PHACTR2: variants seen among roughly 807,000 people sequenced by gnomAD.
The protein encoded by PHACTR2 is chromosome 6 open reading frame 56.
A neutral mutation model predicts 76.0 loss-of-function variants in PHACTR2; 30 were observed. That is an observed-to-expected ratio of 0.39 (90% confidence interval 0.30 to 0.54). PHACTR2 has a LOEUF of 0.54. Among genes scored for constraint, PHACTR2 ranks in the 20% least tolerant of loss-of-function variants. The pLI is 0.61. For missense variants in PHACTR2, 696 were observed against 781.1 expected, an observed-to-expected ratio of 0.89 and a Z score of 1.30; for synonymous variants, 292 against 292.5, an observed-to-expected ratio of 1.00 and a Z score of 0.02.
intron 1 of PHACTR2, among the ~76,000 whole-genome samples, chr6:143,566,742 A>G (rs1775368715): frequency 6.6e-6 from 1 of 151,086 alleles, no homozygotes; most frequent in African/African-American, 2.4e-5. Flanking sequence ...GCCTTCCCTA[A>G]CCTCAGAATA....
At chr6:143,609,334 C>A (rs1013342613) in intron 1 of PHACTR2, among the ~76,000 whole-genome samples, 3 of 152,050 alleles carry the variant, frequency 2.0e-5, no homozygotes, top group Admixed American at 1.3e-4. Context: ...AAATAGCTTA[C>A]CAGGAACAAA....
At chr6:143,804,928 A>G (rs902822848) in intron 11 of PHACTR2, among the ~76,000 whole-genome samples, 2 of 152,214 alleles carry the variant, frequency 1.3e-5, no homozygotes, top group Admixed American at 6.5e-5. Flanking sequence ...TGTACAAAGC[A>G]CTTTCAAATA....
In PHACTR2 at chr6:143,608,388, C is replaced by A; in HGVS notation, c.13+66C>A. 15 of 1,538,302 alleles carry A rather than the reference C, an allele frequency of 9.8e-6. No homozygotes were observed. The highest frequency in any genetic ancestry group is 1.3e-5 in the Non-Finnish European group (14 of 1,112,166). On this transcript the variant is annotated intron_variant, in intron 1 of 11. Coordinates refer to the PHACTR2 transcript ENST00000305766. This position sits in a 1 kb window ranked among gnomAD's most constrained non-coding sequence, Gnocchi z 4.6. ...CCTTTGCAGCCCGCATCCTTTACTG[C>A]GGAAGGTTTGCCTATTTGTTGCTCT...
At chr6:143,565,031 T>C (rs2128430514) in intron 1 of PHACTR2, among the ~76,000 whole-genome samples, 1 of 152,324 alleles carries the variant, frequency 6.6e-6, no homozygotes, top group South Asian at 2.1e-4. Flanking sequence ...CTAGCAAGAA[T>C]GGCAGTTCAA....
At position 143,678,443 on chromosome 6, in the gene PHACTR2, C is replaced by G. The variant is rs983201500; in HGVS notation, c.46+234C>G. 6.9e-6 allele frequency among the ~76,000 whole-genome samples: 1 copy of G among 145,234 alleles called. No individual in the cohort carries two copies. The highest frequency in any genetic ancestry group is 2.5e-5 in the African/African-American group (1 of 39,368). On this transcript the variant is annotated intron_variant, in intron 1 of 12. Transcript: ENST00000440869. The surrounding 1 kb of genome is among the most constrained non-coding windows in gnomAD (Gnocchi z 6.2). ...AGGCTCCATTTTTCTGTGCGCGATG[C>G]CTCGCTGTGGTTTTTTATCCAAATT...
chr6:143,830,339 C>G lies in PHACTR2; in HGVS notation c.*6650C>G, dbSNP rs966667177. 2.2e-5 allele frequency: 2 copies of G among 92,948 alleles called. No individual in the cohort carries two copies. Among genetic ancestry groups the G allele is most frequent in the Non-Finnish European group, 4.5e-5 (2 of 44,426 alleles). The allele number at this position is 92,948 out of a possible 1,614,324, so 5.8% of individuals were successfully genotyped here. A position where few individuals can be genotyped will look rare whatever the true frequency, so the allele number is the denominator to read the frequency against. ...TTTTAAATAACGGACTATATGCATT[C>G]TTTTGTTATTTCACACTTCAGTTAA... is the stretch of plus-strand genomic sequence containing the variant. On this transcript the variant is annotated 3_prime_UTR_variant, in exon 13 of 13. Transcript: ENST00000440869.
rs751756773 is a variant in PHACTR2 at position 143,558,637 on chromosome 6, A to G, written c.217+21430A>G. The stretch of plus-strand genomic sequence containing the variant: ...CATTTTCTTTAGTAATATTCTGGGT[A>G]GAGAAAGGTAAGGAGTGTGTACCAA... On this transcript the variant is annotated intron_variant, in intron 1 of 11. Transcript: ENST00000367584. The surrounding 1 kb of genome is among the most constrained non-coding windows in gnomAD (Gnocchi z 4.7). 1.3e-5 allele frequency among the ~76,000 whole-genome samples: 2 copies of G among 152,198 alleles called. No individual in the cohort carries two copies. Among genetic ancestry groups the G allele is most frequent in the Non-Finnish European group, 2.9e-5 (2 of 68,034 alleles).
At position 143,537,077 on chromosome 6, in the gene PHACTR2, G is replaced by C; in HGVS notation, c.87G>C (p.Ala29=). ...CGGTCCCAGTCCCCGAGCCCGAGGC[G>C]CCCGCCCCGCCGGCGGCGCCTGCCC... The change falls in exon 1 of 12, where the codon GCG becomes GCC. Residue 29 remains alanine (A), a synonymous_variant. Transcript: ENST00000367584. This position sits in a 1 kb window ranked among gnomAD's most constrained non-coding sequence, Gnocchi z 4.4. 4.9e-6 allele frequency: 1 copy of C among 203,712 alleles called. No individual in the cohort carries two copies. The highest frequency in any genetic ancestry group is 6.0e-5 in the Admixed American group (1 of 16,574). 12.6% of individuals were successfully genotyped at this position (203,712 alleles called of 1,614,324 possible).
intron 1 of PHACTR2, among the ~76,000 whole-genome samples, chr6:143,707,030 C>A (rs1778070039): frequency 6.6e-6 from 1 of 152,130 alleles, no homozygotes; most frequent in Non-Finnish European, 1.5e-5. Flanking sequence ...TTAAATCTTC[C>A]CTAAGCACTG....
chr6:143,638,890 C>G (rs974975162), intron 1 of PHACTR2, among the ~76,000 whole-genome samples: 4 of 152,066 alleles, frequency 2.6e-5, no homozygotes, highest in African/African-American at 9.7e-5. Context: ...TTTTCCTGCC[C>G]AATTGCATAT....
In PHACTR2 at chr6:143,749,002, T is replaced by C. The variant is rs1779128886; in HGVS notation, c.232T>C (p.Ser78Pro). 7 of 1,567,482 alleles carry C rather than the reference T, an allele frequency of 4.5e-6. No homozygotes were observed. Among genetic ancestry groups the C allele is most frequent in the Non-Finnish European group, 6.1e-6 (7 of 1,138,292 alleles). Residue 78 changes from serine (S) to proline (P), a missense_variant, in exon 3 of 13, where the codon TCC becomes CCC. Ser to Pro is a moderately conservative substitution (Grantham distance 74, BLOSUM62 -1). Transcript: ENST00000440869. ...TTTAAAAGTATTAGAAAGGAAGATA[T>C]CCACACGACAAAGTAGAGAGGAGCT... ...ETSAVLERKISTRQSREELIR... is the reference protein window; with the variant it reads ...ETSAVLERKIPTRQSREELIR...
chr6:143,640,473 G>A (rs6931801), intron 1 of PHACTR2, among the ~76,000 whole-genome samples: 29,938 of 152,062 alleles, frequency 0.2, 3,110 homozygotes, highest in East Asian at 0.3. Flanking sequence ...AGCTAGATGC[G>A]TTTATGGAAG....
chr6:143,613,127 C>A (rs900447449), intron 1 of PHACTR2, among the ~76,000 whole-genome samples: 1 of 152,222 alleles, frequency 6.6e-6, no homozygotes, highest in African/African-American at 2.4e-5. Flanking sequence ...CAGGCGCCTG[C>A]CCCCATGCCC....
Position 143,753,912 on chromosome 6 carries a change from G to A in PHACTR2, c.454G>A (p.Glu152Lys). The change falls in exon 4 of 13, where the codon GAG becomes AAG. Residue 152 changes from glutamate (E) to lysine (K), a missense_variant and splice_region_variant. By Grantham distance (56) the Glu-to-Lys change is moderately conservative. This residue lies in a region of PHACTR2 where 460 missense variants were observed against 450.9 expected (regional missense o/e 1.02). Coordinates refer to ENST00000440869, the MANE Select transcript of PHACTR2 (RefSeq NM_001100164.2). The surrounding 1 kb of genome is among the most constrained non-coding windows in gnomAD (Gnocchi z 4.6). ...PLEEQAEDKK[E>K]NTENHSETPA... ...GGAGGAACAGGCAGAAGATAAGAAA[G>A]GTAAAATAAAGACAAACCCATATTA... is the stretch of plus-strand genomic sequence containing the variant. 1.3e-6 allele frequency: 2 copies of A among 1,594,078 alleles called. No individual in the cohort carries two copies. The highest frequency in any genetic ancestry group is 1.1e-5 in the South Asian group (1 of 87,436).
At position 143,717,271 on chromosome 6, in the gene PHACTR2, C is replaced by G. The variant is rs560509334; in HGVS notation, c.214+5088C>G. ...AATCATTCAAGGGTCAGTAACATGT[C>G]TCTTCCTCCTGCAGATATTCTTGAC... On this transcript the variant is annotated intron_variant, in intron 2 of 12. Coordinates refer to ENST00000440869, the MANE Select transcript of PHACTR2 (RefSeq NM_001100164.2). 2.0e-5 allele frequency among the ~76,000 whole-genome samples: 3 copies of G among 152,306 alleles called. No homozygotes were observed. The South Asian group carries it at 6.2e-4, about 32-fold the overall frequency.
In PHACTR2 at chr6:143,742,425, A is replaced by C. The variant is rs1447745137; in HGVS notation, c.215-6560A>C. On this transcript the variant is annotated intron_variant, in intron 2 of 12. Transcript: ENST00000440869. The surrounding 1 kb of genome is among the most constrained non-coding windows in gnomAD (Gnocchi z 4.5). ...CTCTTGCTCATATTTGTCTGGTTTT[A>C]ACAGCTCCAGAAGAAAGAGAAAGCC... Among the ~76,000 whole-genome samples, 1 of 152,206 alleles carries C rather than the reference A, an allele frequency of 6.6e-6. No individual in the cohort carries two copies. Among genetic ancestry groups the C allele is most frequent in the Non-Finnish European group, 1.5e-5 (1 of 68,032 alleles).
intron 1 of PHACTR2, among the ~76,000 whole-genome samples, chr6:143,701,861 A>G (rs770826338): frequency 6.6e-6 from 1 of 152,206 alleles, no homozygotes; most frequent in African/African-American, 2.4e-5. Context: ...GACCTACAAG[A>G]CTGATACACT....
At chr6:143,728,200 C>CTT (rs769598990) in intron 2 of PHACTR2, among the ~76,000 whole-genome samples, 3 of 131,372 alleles carry the variant, frequency 2.3e-5, no homozygotes, top group Non-Finnish European at 1.6e-5. Context: ...TCTTTCTTTC[C>CTT]TTTTTTTTTT....
chr6:143,744,683 G>T (rs868751917), intron 2 of PHACTR2, among the ~76,000 whole-genome samples: 1 of 152,170 alleles, frequency 6.6e-6, no homozygotes, highest in South Asian at 2.1e-4. Context: ...AGAAAGAAGT[G>T]GTTAGGAGCC....
Sources: gnomAD v4.1 joint callset for allele counts (sites outside exome capture counted in the v4.1 genomes callset) on GRCh38, gnomAD v4.1.1 for gene constraint, gnomAD v4.1.1 regional missense constraint, Gnocchi (gnomAD v3.1) non-coding constraint, MANE v1.5 for transcripts, NCBI Gene and HGNC (gene_info 2026-07-23, HGNC 2026-07-21) for gene names.